The following PKNOX2 variants were observed in gnomAD, a reference collection of about 807,000 sequenced individuals.
PKNOX2 encodes the protein homeobox protein PKNOX2.
A neutral mutation model predicts 53.1 loss-of-function variants in PKNOX2; 14 were observed. That is an observed-to-expected ratio of 0.26 (90% CI 0.17 to 0.41). The LOEUF is 0.41. Ranked by LOEUF, PKNOX2 falls within the 10% of genes least tolerant of loss-of-function variation. The pLI, the probability that PKNOX2 is intolerant of heterozygous loss-of-function variation, is 1.00. For missense variants in PKNOX2, 496 were observed against 602.8 expected (o/e 0.82, Z 1.85); for synonymous variants, 257 against 242.8 (o/e 1.06, Z -0.54).
At chr11:125,263,740 G>GCGCTGGCTCT (rs1216691113) in intron 2 of PKNOX2, among the ~76,000 whole-genome samples, 5 of 152,230 alleles carry the variant, frequency 3.3e-5, no homozygotes, top group Non-Finnish European at 7.3e-5. Context: ...GACTCTTCCG[G>GCGCTGGCTCT]CGCTGGCTCT....
intron 6 of PKNOX2, among the ~76,000 whole-genome samples, chr11:125,392,498 CA>C: frequency 6.6e-6 from 1 of 152,198 alleles, no homozygotes; most frequent in Non-Finnish European, 1.5e-5. Flanking sequence ...CAACCAATTC[CA>C]TTAGCCCATA....
intron 2 of PKNOX2, among the ~76,000 whole-genome samples, chr11:125,248,071 G>A (rs1399065670): frequency 1.3e-5 from 2 of 152,164 alleles, no homozygotes; most frequent in Non-Finnish European, 2.9e-5. Context: ...TCGGTCCATG[G>A]CTGATGCTTC....
intron 1 of PKNOX2, among the ~76,000 whole-genome samples, chr11:125,167,567 G>A (rs1372451304): frequency 1.3e-5 from 2 of 152,204 alleles, no homozygotes; most frequent in African/African-American, 4.8e-5. Context: ...AAGGGGCAGG[G>A]GGTTACCGGA....
rs531731393 is a variant in PKNOX2 at position 125,193,943 on chromosome 11, T to C, written c.-201+29167T>C. Among the ~76,000 whole-genome samples, 7 of 152,334 alleles carry C rather than the reference T, an allele frequency of 4.6e-5. No individual in the cohort carries two copies. In the South Asian group the frequency reaches 1.4e-3, roughly 32 times the overall value. On this transcript the variant is annotated intron_variant, in intron 1 of 12. Transcript: ENST00000298282. ...GGTTACAAATTTCTCCCCACAGTGTTGTGAGTACCAAGTGTGCTACTGACT... is the reference window on the plus strand; with the variant it reads ...GGTTACAAATTTCTCCCCACAGTGTCGTGAGTACCAAGTGTGCTACTGACT...
At chr11:125,271,914 C>T (rs1432548763) in intron 2 of PKNOX2, among the ~76,000 whole-genome samples, 4 of 152,230 alleles carry the variant, frequency 2.6e-5, no homozygotes, top group Non-Finnish European at 5.9e-5. Flanking sequence ...ACAGATGCAT[C>T]ATCGAGTCCC....
At chr11:125,415,234 C>CTTTTTT (rs35920181) in intron 10 of PKNOX2, among the ~76,000 whole-genome samples, 1 of 77,586 alleles carries the variant, frequency 1.3e-5, no homozygotes, top group Non-Finnish European at 2.5e-5. Flanking sequence ...TAAAGTTTAG[C>CTTTTTT]TTTTTTTTTT....
chr11:125,268,115 C>A (rs530599402), intron 2 of PKNOX2, among the ~76,000 whole-genome samples: 6 of 152,200 alleles, frequency 3.9e-5, no homozygotes, highest in Admixed American at 2.6e-4. Flanking sequence ...AAGGACACAG[C>A]GGGCCCTCAT....
rs1435284658 is a variant in PKNOX2 at position 125,423,890 on chromosome 11, G to A, written c.937-5122G>A. On this transcript the variant is annotated intron_variant, in intron 10 of 12. Transcript: ENST00000298282. ...AATAGTTTTGAGATTGCAGGAAGGT[G>A]AAGAATGGGACAGCAGTGTGTCTTC... 2.6e-5 allele frequency among the ~76,000 whole-genome samples: 4 copies of A among 152,204 alleles called. No individual in the cohort carries two copies. In the South Asian group the frequency reaches 6.2e-4, roughly 24 times the overall value.
intron 5 of PKNOX2, among the ~76,000 whole-genome samples, chr11:125,379,419 C>A (rs927198061): frequency 1.1e-4 from 16 of 152,122 alleles, no homozygotes; most frequent in African/African-American, 1.4e-4. Context: ...GCCACAGCCA[C>A]ATAGGGGAAG....
At chr11:125,249,491 T>C (rs1943835608) in intron 2 of PKNOX2, among the ~76,000 whole-genome samples, 1 of 152,218 alleles carries the variant, frequency 6.6e-6, no homozygotes, top group African/African-American at 2.4e-5. Context: ...TGCAGACTTT[T>C]TTCTTGTCAT....
At position 125,432,342 on chromosome 11, in the gene PKNOX2, G is replaced by GC. The variant is rs1956738681; in HGVS notation, c.*953dup. 2 of 152,858 alleles carry GC rather than the reference G, an allele frequency of 1.3e-5. No homozygotes were observed. The highest frequency in any genetic ancestry group is 4.1e-4 in the South Asian group (2 of 4,838). The allele number at this position is 152,858 out of a possible 1,614,324, so 9.5% of individuals were successfully genotyped here. On this transcript the variant is annotated 3_prime_UTR_variant, in exon 13 of 13. Coordinates refer to ENST00000298282, the MANE Select transcript of PKNOX2 (RefSeq NM_001382323.2). ...ACCAGGTTATCTGGGAATCTTTCCA[G>GC]CCCGCAGGTCGCCACGGCCATCCCT...
At chr11:125,339,876 T>G (rs940781875) in intron 3 of PKNOX2, among the ~76,000 whole-genome samples, 1 of 152,240 alleles carries the variant, frequency 6.6e-6, no homozygotes, top group African/African-American at 2.4e-5. Flanking sequence ...TCATTTTGTG[T>G]TCTTTAATTT....
chr11:125,202,384 GTGGTGACCACTGGC>G (rs1417256439), intron 1 of PKNOX2, among the ~76,000 whole-genome samples: 1 of 152,204 alleles, frequency 6.6e-6, no homozygotes, highest in African/African-American at 2.4e-5. Flanking sequence ...TGGGCAAGGA[GTGGTGACCACTGGC>G]TTCTAGAGCC....
intron 1 of PKNOX2, among the ~76,000 whole-genome samples, chr11:125,192,915 T>G (rs1156272974): frequency 6.6e-6 from 1 of 152,208 alleles, no homozygotes; most frequent in Non-Finnish European, 1.5e-5. Context: ...AGGGGCTGTT[T>G]GCATGCAGGG....
At chr11:125,180,646 G>A (rs891297021) in intron 1 of PKNOX2, among the ~76,000 whole-genome samples, 1 of 126,814 alleles carries the variant, frequency 7.9e-6, no homozygotes, top group African/African-American at 2.8e-5. Flanking sequence ...GACTCTTCAC[G>A]AAGCTTTGGC....
chr11:125,336,445 T>C (rs1006737613), intron 3 of PKNOX2, among the ~76,000 whole-genome samples: 1 of 151,300 alleles, frequency 6.6e-6, no homozygotes, highest in African/African-American at 2.4e-5. Flanking sequence ...TTTTATCAAA[T>C]TACATTTGAT....
Position 125,422,886 on chromosome 11 carries a change from T to C in PKNOX2, c.937-6126T>C, listed in dbSNP as rs2135644477. Among the ~76,000 whole-genome samples the C allele has an allele frequency of 6.6e-6, 1 of 152,274 alleles. No individual in the cohort carries two copies. Among genetic ancestry groups the C allele is most frequent in the Admixed American group, 6.5e-5 (1 of 15,300 alleles). ...AGGGGCTGCTGGGAGGCTCCTGCCA[T>C]CTGCCAGGAAACAACCTGTGGCTTC... On this transcript the variant is annotated intron_variant, in intron 10 of 12. Coordinates refer to ENST00000298282, the MANE Select transcript of PKNOX2 (RefSeq NM_001382323.2). The surrounding 1 kb of genome is among the most constrained non-coding windows in gnomAD (Gnocchi z 4.1).
chr11:125,413,321 A>G (rs1243106562), intron 10 of PKNOX2, among the ~76,000 whole-genome samples: 4 of 152,216 alleles, frequency 2.6e-5, no homozygotes, highest in Non-Finnish European at 5.9e-5. Context: ...GCTCTGATTC[A>G]GTGGCTGGAG....
chr11:125,205,333 A>G (rs1410592943), intron 1 of PKNOX2, among the ~76,000 whole-genome samples: 3 of 152,040 alleles, frequency 2.0e-5, no homozygotes, highest in Non-Finnish European at 4.4e-5. Flanking sequence ...TGAAAGGCCA[A>G]GTCTGAACCC....
Sources: gnomAD v4.1 joint callset for allele counts (sites outside exome capture counted in the v4.1 genomes callset) on GRCh38, gnomAD v4.1.1 for gene constraint, Gnocchi (gnomAD v3.1) non-coding constraint, MANE v1.5 for transcripts, NCBI Gene and HGNC (gene_info 2026-07-23, HGNC 2026-07-21) for gene names.